CENPP: variants seen among roughly 807,000 people sequenced by gnomAD.
CENPP encodes centromere protein P.
In CENPP, 24 loss-of-function variants were observed where a neutral mutation model predicts 35.6. The observed-to-expected ratio is 0.67, with a 90% CI of 0.49 to 0.95. The LOEUF (loss-of-function observed/expected upper bound fraction) is 0.95, where lower values mean the gene tolerates loss of function less well. CENPP is among the 40% of genes least tolerant of loss of function. CENPP has a pLI of 0.00. For synonymous variants in CENPP, 120 were observed against 125.5 expected (o/e 0.96, Z 0.29); for missense variants, 332 against 345.3 (o/e 0.96, Z 0.31).
intron 5 of CENPP, among the ~76,000 whole-genome samples, chr9:92,489,662 G>C (rs1432216491): frequency 6.6e-6 from 1 of 151,798 alleles, no homozygotes; most frequent in East Asian, 1.9e-4. Context: ...TTGAGTTCCA[G>C]TTTCCTCACC....
chr9:92,444,481 C>T (rs1456541840), intron 5 of CENPP, among the ~76,000 whole-genome samples: 1 of 151,606 alleles, frequency 6.6e-6, no homozygotes, highest in African/African-American at 2.4e-5. Flanking sequence ...TTTTGATGGA[C>T]AAAACGTTTT....
In CENPP at chr9:92,567,396, A is replaced by ATATATATATATATC. The variant is rs1850018211; in HGVS notation, c.565-43918_565-43917insTATATATATATATC. Among the ~76,000 whole-genome samples, 4 of 113,250 alleles carry ATATATATATATATC rather than the reference A, an allele frequency of 3.5e-5. No homozygotes were observed. The South Asian group carries it at 9.3e-4, about 26-fold the overall frequency. 74.3% of individuals were successfully genotyped at this position (113,250 alleles called of 152,430 possible). A position where few individuals can be genotyped will look rare whatever the true frequency, so the allele number is the denominator to read the frequency against. ...TAGATATATATATATATATATATAT[A>ATATATATATATATC]GATATATATATAAAGTGGTTAGTGA... On this transcript the variant is annotated intron_variant, in intron 5 of 7. Transcript: ENST00000375587.
rs116408796 is a variant in CENPP at position 92,336,233 on chromosome 9, G to A, written c.290-1308G>A. Among the ~76,000 whole-genome samples the A allele has an allele frequency of 2.2e-3, 328 of 152,180 alleles. 2 individuals are homozygous for A. The highest frequency in any genetic ancestry group is 7.3e-3 in the African/African-American group (305 of 41,518). On this transcript the variant is annotated intron_variant, in intron 2 of 7. Transcript: ENST00000375587. ...TTGGCAGGAAAACTATGAAAGTGAT[G>A]TTTTGTTCTTACCAGTACATCTAAT...
intron 5 of CENPP, among the ~76,000 whole-genome samples, chr9:92,514,080 A>G (rs917235606): frequency 3.3e-5 from 5 of 151,636 alleles, no homozygotes; most frequent in African/African-American, 7.3e-5. Flanking sequence ...AATTTTTAGG[A>G]TGAAATTAAA....
At chr9:92,453,062 A>G (rs1350698881) in intron 5 of CENPP, among the ~76,000 whole-genome samples, 1 of 152,094 alleles carries the variant, frequency 6.6e-6, no homozygotes, top group African/African-American at 2.4e-5. Context: ...TCCTGGATTC[A>G]TTAATTTTTT....
intron 5 of CENPP, among the ~76,000 whole-genome samples, chr9:92,410,285 C>T (rs1368096009): frequency 6.6e-6 from 1 of 152,164 alleles, no homozygotes; most frequent in African/African-American, 2.4e-5. Context: ...TGAGTTAAGG[C>T]ATTTTCAAGT....
At chr9:92,418,794 T>C (rs1168177076) in intron 5 of CENPP, among the ~76,000 whole-genome samples, 1 of 152,176 alleles carries the variant, frequency 6.6e-6, no homozygotes, top group Non-Finnish European at 1.5e-5. Flanking sequence ...TGTCCAAAAC[T>C]AACAGCACCA....
chr9:92,483,567 T>C (rs1250780885), intron 5 of CENPP, among the ~76,000 whole-genome samples: 1 of 152,222 alleles, frequency 6.6e-6, no homozygotes, highest in Non-Finnish European at 1.5e-5. Context: ...AAGGACTTAC[T>C]GTTGTAAGTG....
At chr9:92,515,066 T>C (rs1165408255) in intron 5 of CENPP, 1 of 1,614,166 alleles carries the variant, frequency 6.2e-7, no homozygotes, top group South Asian at 1.1e-5. Context: ...GCTTCTTTTC[T>C]TACTATTCGG....
Position 92,615,718 on chromosome 9 carries a change from A to T in CENPP, c.*2569A>T. 2.6e-6 allele frequency: 2 copies of T among 776,712 alleles called. No individual in the cohort carries two copies. The highest frequency in any genetic ancestry group is 2.1e-6 in the Non-Finnish European group (1 of 471,348). 48.1% of individuals were successfully genotyped at this position (776,712 alleles called of 1,614,324 possible). A position where few individuals can be genotyped will look rare whatever the true frequency, so the allele number is the denominator to read the frequency against. On this transcript the variant is annotated 3_prime_UTR_variant, in exon 8 of 8. Transcript: ENST00000375587. ...CTCCAAGAGGCAATCCCACCTCAAA[A>T]GGGGTTAAAAGCAAAAACATTCACA...
intron 5 of CENPP, among the ~76,000 whole-genome samples, chr9:92,542,262 C>T (rs1156297598): frequency 1.3e-5 from 2 of 152,140 alleles, no homozygotes; most frequent in East Asian, 3.9e-4. Context: ...TGTTTTCTTG[C>T]TATCAAGTTC....
At chr9:92,601,427 G>A (rs766569086) in intron 5 of CENPP, among the ~76,000 whole-genome samples, 2 of 152,114 alleles carry the variant, frequency 1.3e-5, no homozygotes, top group African/African-American at 2.4e-5. Context: ...TGCTGCCGGC[G>A]GTTAGTTGTT....
At chr9:92,475,268 A>G (rs1008972012) in intron 5 of CENPP, among the ~76,000 whole-genome samples, 35 of 152,354 alleles carry the variant, frequency 2.3e-4, no homozygotes, top group African/African-American at 7.7e-4. Flanking sequence ...TATTTATTCC[A>G]TGAAATATTT....
rs551789118 is a variant in CENPP at position 92,331,219 on chromosome 9, C to T, written c.108-951C>T. On this transcript the variant is annotated intron_variant, in intron 1 of 7. Coordinates refer to ENST00000375587, the MANE Select transcript of CENPP (RefSeq NM_001012267.3). ...TTTTTGAGAGGGAGTCTCGCTCTGT[C>T]GCCCAGGTTGGAGTGCAGTGGCACA... 1.1e-3 allele frequency among the ~76,000 whole-genome samples: 168 copies of T among 152,156 alleles called. 2 individuals carry two copies. Among genetic ancestry groups the T allele is most frequent in the Non-Finnish European group, 4.9e-4 (33 of 68,000 alleles).
Position 92,460,659 on chromosome 9 carries a change from G to C in CENPP, c.564+80800G>C. On this transcript the variant is annotated intron_variant, in intron 5 of 7. Coordinates refer to ENST00000375587, the MANE Select transcript of CENPP (RefSeq NM_001012267.3). ...TTTCAAGTTTCAGATTATGGATTTA[G>C]GCAACTTTTTAGGCACTAACTCTTT... is the stretch of plus-strand genomic sequence containing the variant. 21 of 820,770 alleles carry C rather than the reference G, an allele frequency of 2.6e-5. No homozygotes were observed. The South Asian group carries it at 3.5e-4, about 14-fold the overall frequency. The allele number at this position is 820,770 out of a possible 1,614,324, so 50.8% of individuals were successfully genotyped here. A position where few individuals can be genotyped will look rare whatever the true frequency, so the allele number is the denominator to read the frequency against.
At position 92,423,806 on chromosome 9, in the gene CENPP, A is replaced by G. The variant is rs367979667; in HGVS notation, c.564+43947A>G. 3.9e-5 allele frequency among the ~76,000 whole-genome samples: 6 copies of G among 152,176 alleles called. No homozygotes were observed. In the South Asian group the frequency reaches 1.2e-3, roughly 32 times the overall value. ...TGTACAAATGCCCATCAACCCCCCA[A>G]CCGGAATCACTAGCATTGCTCAGCT... On this transcript the variant is annotated intron_variant, in intron 5 of 7. Transcript: ENST00000375587.
intron 5 of CENPP, among the ~76,000 whole-genome samples, chr9:92,428,786 T>C (rs185125285): frequency 7.2e-5 from 11 of 152,260 alleles, no homozygotes; most frequent in Admixed American, 2.0e-4. Flanking sequence ...ATCTTCAAGA[T>C]TGGGGATGAT....
rs1046679237 is a variant in CENPP at position 92,338,318 on chromosome 9, A to C, written c.378+689A>C. 9.9e-5 allele frequency among the ~76,000 whole-genome samples: 15 copies of C among 152,156 alleles called. No individual in the cohort carries two copies. The East Asian group carries it at 2.9e-3, about 29-fold the overall frequency. ...CAGAGTGAGACTCTGTCACACACAAAAAAAAAACCACCAAAAATACAATTA... is the reference window on the plus strand; with the variant it reads ...CAGAGTGAGACTCTGTCACACACAACAAAAAAACCACCAAAAATACAATTA... On this transcript the variant is annotated intron_variant, in intron 3 of 7. Transcript: ENST00000375587.
chr9:92,555,973 G>A (rs373984869), intron 5 of CENPP, among the ~76,000 whole-genome samples: 8 of 152,180 alleles, frequency 5.3e-5, no homozygotes, highest in South Asian at 2.1e-4. Context: ...AGTTCCTTGA[G>A]TTGTGACCTT....
Sources: allele counts gnomAD v4.1 joint callset (sites outside exome capture counted in the v4.1 genomes callset), GRCh38; gene constraint gnomAD v4.1.1; transcripts MANE v1.5; gene names NCBI Gene and HGNC (gene_info 2026-07-23, HGNC 2026-07-21).